The following CXCL13 variants were observed in gnomAD, a reference collection of about 807,000 sequenced individuals.
CXCL13 encodes the protein C-X-C motif chemokine ligand 13.
Under a neutral mutation model 12.2 loss-of-function variants are expected in CXCL13, and 7 were observed. The observed-to-expected ratio is 0.57, with a 90% CI of 0.33 to 1.07. The LOEUF is 1.07. Among genes scored for constraint, CXCL13 ranks in the 50% least tolerant of loss-of-function variants. The probability of loss-of-function intolerance (pLI) is 0.04; values close to 1 mark genes in which losing one functional copy is unlikely to be tolerated. For synonymous variants in CXCL13, 47 were observed against 42.4 expected (o/e 1.11, Z -0.42); for missense variants, 113 against 127.4 (o/e 0.89, Z 0.55).
chr4:77,601,360 T>C (rs1340180116), upstream of CXCL13, among the ~76,000 whole-genome samples: 1 of 152,148 alleles, frequency 6.6e-6, no homozygotes, highest in African/African-American at 2.4e-5. Context: ...CAGTTCTTTT[T>C]ATATAAATTA....
At chr4:77,530,791 C>T (rs908574032) in intron 1 of CXCL13, among the ~76,000 whole-genome samples, 1 of 152,026 alleles carries the variant, frequency 6.6e-6, no homozygotes, top group Non-Finnish European at 1.5e-5. Context: ...CTGCTCTGAT[C>T]TTAGTTATTT....
At chr4:77,579,412 G>T (rs577979108) in intron 1 of CXCL13, among the ~76,000 whole-genome samples, 6 of 152,126 alleles carry the variant, frequency 3.9e-5, no homozygotes, top group South Asian at 4.1e-4. Flanking sequence ...GCCTCCCAAA[G>T]GTTGTCCTTT....
chr4:77,581,300 G>T (rs910121647), intron 1 of CXCL13, among the ~76,000 whole-genome samples: 1 of 152,210 alleles, frequency 6.6e-6, no homozygotes, highest in Non-Finnish European at 1.5e-5. Flanking sequence ...ATGATCTAGA[G>T]AAATATGTGC....
At chr4:77,559,892 A>C (rs1247232030) in intron 1 of CXCL13, among the ~76,000 whole-genome samples, 2 of 141,040 alleles carry the variant, frequency 1.4e-5, no homozygotes, top group Admixed American at 1.4e-4. Context: ...AATGCACTCC[A>C]GCCTGGGTGA....
intron 1 of CXCL13, among the ~76,000 whole-genome samples, chr4:77,570,815 G>C (rs984618964): frequency 6.7e-6 from 1 of 149,840 alleles, no homozygotes; most frequent in African/African-American, 2.5e-5. Flanking sequence ...CGGGCCAGCA[G>C]CTGCAGAGGG....
intron 1 of CXCL13, among the ~76,000 whole-genome samples, chr4:77,523,343 C>T (rs768429012): frequency 6.6e-6 from 1 of 152,200 alleles, no homozygotes; most frequent in Non-Finnish European, 1.5e-5. Context: ...CTTTCAGGTA[C>T]ACCAATCAAA....
chr4:77,590,673 C>T (rs553978705), intron 1 of CXCL13, among the ~76,000 whole-genome samples: 11 of 152,316 alleles, frequency 7.2e-5, no homozygotes, highest in African/African-American at 2.4e-4. Flanking sequence ...GAATTATTCG[C>T]TCTCCTGTGG....
chr4:77,520,625 T>C (rs993810086), intron 1 of CXCL13, among the ~76,000 whole-genome samples: 2 of 152,180 alleles, frequency 1.3e-5, no homozygotes, highest in African/African-American at 4.8e-5. Context: ...GCTGAGACAA[T>C]GGGGTTTTCT....
chr4:77,523,900 G>T (rs1371269338), intron 1 of CXCL13, among the ~76,000 whole-genome samples: 4 of 152,156 alleles, frequency 2.6e-5, no homozygotes, highest in African/African-American at 9.7e-5. Flanking sequence ...TTTTGGTGTA[G>T]ATGTCCTTTT....
At chr4:77,563,632 C>T (rs1326547152) in intron 1 of CXCL13, among the ~76,000 whole-genome samples, 5 of 152,188 alleles carry the variant, frequency 3.3e-5, no homozygotes, top group Admixed American at 2.6e-4. Context: ...ATGAGTATAA[C>T]ACTCTCAAGA....
intron 1 of CXCL13, among the ~76,000 whole-genome samples, chr4:77,580,154 T>G (rs1489944078): frequency 2.0e-5 from 3 of 152,060 alleles, no homozygotes; most frequent in South Asian, 2.1e-4. Flanking sequence ...ACAATTACAT[T>G]ATTTGAGTGA....
At chr4:77,549,652 G>A (rs910866512) in intron 1 of CXCL13, among the ~76,000 whole-genome samples, 2 of 152,122 alleles carry the variant, frequency 1.3e-5, no homozygotes, top group East Asian at 1.9e-4. Context: ...GTTTGCCTGG[G>A]TATCACCAGC....
chr4:77,553,490 G>A (rs555323092), intron 1 of CXCL13, among the ~76,000 whole-genome samples: 9 of 152,220 alleles, frequency 5.9e-5, no homozygotes, highest in Non-Finnish European at 1.3e-4. Context: ...CCTTTCCCCA[G>A]TATAGCTCCA....
At position 77,513,820 on chromosome 4, in the gene CXCL13, T is replaced by TA. The variant is rs1553913502; in HGVS notation, c.-43+2033dup. Among the ~76,000 whole-genome samples the TA allele has an allele frequency of 7.3e-3, 1,068 of 145,814 alleles. 13 individuals are homozygous for TA. The highest frequency in any genetic ancestry group is 0.025 in the African/African-American group (958 of 37,666). On this transcript the variant is annotated intron_variant, in intron 1 of 4. Coordinates refer to the CXCL13 transcript ENST00000286758. ...ATGGTATCTCTTTTTTTTTTTTTTT[T>TA]ATACTTTAAGTTTTAGGGTACATGT...
At chr4:77,593,268 C>A (rs1159039429) in intron 1 of CXCL13, among the ~76,000 whole-genome samples, 1 of 152,208 alleles carries the variant, frequency 6.6e-6, no homozygotes, top group Non-Finnish European at 1.5e-5. Context: ...TTTCTAACCT[C>A]AAATTAAACA....
chr4:77,561,450 T>G (rs1444830236), intron 1 of CXCL13, among the ~76,000 whole-genome samples: 1 of 152,240 alleles, frequency 6.6e-6, no homozygotes, highest in Admixed American at 6.5e-5. Flanking sequence ...ACAGTTCTAA[T>G]TATCCCAACA....
chr4:77,551,524 C>G (rs989249225), intron 1 of CXCL13, among the ~76,000 whole-genome samples: 7 of 152,160 alleles, frequency 4.6e-5, no homozygotes, highest in African/African-American at 1.7e-4. Context: ...AGCTTTTCCT[C>G]TAGCTGCCTT....
intron 1 of CXCL13, among the ~76,000 whole-genome samples, chr4:77,538,454 A>G (rs1217081224): frequency 7.3e-6 from 1 of 137,866 alleles, no homozygotes; most frequent in Non-Finnish European, 1.5e-5. Flanking sequence ...ACAGCTGTGG[A>G]CTCTTCCAGG....
upstream of CXCL13, among the ~76,000 whole-genome samples, chr4:77,604,748 C>T (rs955734928): frequency 6.6e-6 from 1 of 152,130 alleles, no homozygotes; most frequent in Non-Finnish European, 1.5e-5. Context: ...CCCATGAATA[C>T]TGAGGCACCT....
Sources: gnomAD v4.1 joint callset for allele counts (sites outside exome capture counted in the v4.1 genomes callset) on GRCh38, gnomAD v4.1.1 for gene constraint, MANE v1.5 for transcripts, NCBI Gene and HGNC (gene_info 2026-07-23, HGNC 2026-07-21) for gene names.